The following BAP1 variants were observed in gnomAD, a reference collection of about 807,000 sequenced individuals.
The protein encoded by BAP1 is ubiquitin carboxyl-terminal hydrolase BAP1.
A neutral mutation model predicts 77.2 loss-of-function variants in BAP1; 16 were observed. The observed-to-expected ratio is 0.21, with a 90% CI of 0.14 to 0.31. The LOEUF is 0.31. BAP1 is among the 10% of genes least tolerant of loss of function. The pLI is 1.00. For missense variants in BAP1, 699 were observed against 967.3 expected (o/e 0.72, Z 3.68); for synonymous variants, 362 against 385.2 (o/e 0.94, Z 0.71).
Position 52,406,455 on chromosome 3 carries a change from C to T in BAP1, c.660-79G>A. The T allele has an allele frequency of 6.3e-7, 1 of 1,595,788 alleles. No individual in the cohort carries two copies. Among genetic ancestry groups the T allele is most frequent in the African/African-American group, 1.3e-5 (1 of 74,890 alleles). On this transcript the variant is annotated intron_variant, in intron 8 of 16. Transcript: ENST00000460680. The surrounding 1 kb of genome is among the most constrained non-coding windows in gnomAD (Gnocchi z 4.6). The stretch of plus-strand genomic sequence containing the variant: ...GGTTGAGGCAGATATCCTGGCAGGG[C>T]TCCCTGCAGTCACACCTGCAGCTGT...
At position 52,403,837 on chromosome 3, in the gene BAP1, T is replaced by C. The variant is rs202038162; in HGVS notation, c.1308A>G (p.Gln436=). The part of the protein sequence containing the change: ...PGALSGSADG[Q]LSVLQPNTIN... ...TGGTGTTGGGCTGCAGCACTGACAG[T>C]TGCCCATCAGCAGAACCGCTCAATG... is the stretch of plus-strand genomic sequence containing the variant. Residue 436 remains glutamine, a synonymous_variant, in exon 13 of 17, where the codon CAA becomes CAG. Coordinates refer to ENST00000460680, the MANE Select transcript of BAP1 (RefSeq NM_004656.4). This position sits in a 1 kb window ranked among gnomAD's most constrained non-coding sequence, Gnocchi z 4.0. The C allele has an allele frequency of 4.6e-5, 75 of 1,614,100 alleles. 1 individual carries two copies. The highest frequency in any genetic ancestry group is 4.5e-4 in the East Asian group (20 of 44,886).
chr3:52,402,219 T>C lies in BAP1; in HGVS notation c.*69A>G, dbSNP rs1704976996. On this transcript the variant is annotated 3_prime_UTR_variant, in exon 17 of 17. Transcript: ENST00000460680. The surrounding 1 kb of genome is among the most constrained non-coding windows in gnomAD (Gnocchi z 5.3). Reference sequence around the variant, plus strand: ...TCAGTAATACTGGGAAAAGGGGAAGTGGGGCAGGGAAGGACCCTGGTGAGG... The same window carrying C: ...TCAGTAATACTGGGAAAAGGGGAAGCGGGGCAGGGAAGGACCCTGGTGAGG... 1.3e-5 allele frequency: 20 copies of C among 1,565,126 alleles called. No individual in the cohort carries two copies. Among genetic ancestry groups the C allele is most frequent in the Non-Finnish European group, 1.7e-5 (20 of 1,157,474 alleles).
Position 52,406,689 on chromosome 3 carries a change from T to C in BAP1, c.659+140A>G, listed in dbSNP as rs1489532697. On this transcript the variant is annotated intron_variant, in intron 8 of 16. Coordinates refer to ENST00000460680, the MANE Select transcript of BAP1 (RefSeq NM_004656.4). The surrounding 1 kb of genome is among the most constrained non-coding windows in gnomAD (Gnocchi z 4.6). ...CCCAGGCAGGAAATAAGACAACAAGTTGAGAACCCATGATCTAAGCCTGAT... is the reference window on the plus strand; with the variant it reads ...CCCAGGCAGGAAATAAGACAACAAGCTGAGAACCCATGATCTAAGCCTGAT... 1.8e-6 allele frequency: 2 copies of C among 1,098,120 alleles called. No individual in the cohort carries two copies. Among genetic ancestry groups the C allele is most frequent in the Non-Finnish European group, 2.7e-6 (2 of 749,788 alleles). The allele number at this position is 1,098,120 out of a possible 1,614,324, so 68.0% of individuals were successfully genotyped here.
In BAP1 at chr3:52,404,477, A is replaced by ACGTCATCCTCCT. The variant is rs1553645109; in HGVS notation, c.1214_1225dup (p.Glu405_Asp408dup). The ACGTCATCCTCCT allele has an allele frequency of 1.2e-6, 2 of 1,614,226 alleles. No homozygotes were observed. Among genetic ancestry groups the ACGTCATCCTCCT allele is most frequent in the Admixed American group, 1.7e-5 (1 of 60,028 alleles). On this transcript the variant is annotated inframe_insertion, in exon 12 of 17. Transcript: ENST00000460680. ...CCTAAGGGCAGAGTTGGTGTTCTGC[A>ACGTCATCCTCCT]CGTCATCCTCCTCGTCATCCTCATA...
In BAP1 at chr3:52,403,036, C is replaced by T; in HGVS notation, c.1890+102G>A. ...CTGGCACATGGCTCCAGCCACCAAT[C>T]TTCACACCAAAGTTCCAATCAAGAA... On this transcript the variant is annotated intron_variant, in intron 14 of 16. Transcript: ENST00000460680. This position sits in a 1 kb window ranked among gnomAD's most constrained non-coding sequence, Gnocchi z 4.0. 6.3e-7 allele frequency: 1 copy of T among 1,599,018 alleles called. No homozygotes were observed.
rs1240118550 is a variant in BAP1 at position 52,409,755 on chromosome 3, G to A, written c.38-12C>T. 1.2e-6 allele frequency: 2 copies of A among 1,613,816 alleles called. No homozygotes were observed. Among genetic ancestry groups the A allele is most frequent in the Non-Finnish European group, 8.5e-7 (1 of 1,179,946 alleles). On this transcript the variant is annotated splice_polypyrimidine_tract_variant and intron_variant, in intron 1 of 16. Coordinates refer to ENST00000460680, the MANE Select transcript of BAP1 (RefSeq NM_004656.4). ...CAGGGTGAAGAGGCCTGGGTGGGGCGACAAGAGGAGGGGGTGATGGTCAGG... is the reference window on the plus strand; with the variant it reads ...CAGGGTGAAGAGGCCTGGGTGGGGCAACAAGAGGAGGGGGTGATGGTCAGG...
chr3:52,402,881 C>T lies in BAP1; in HGVS notation c.1891-10G>A, dbSNP rs2153226350. ...GCAGTGCCAGCAGCTCCTGCCAAAA[C>T]CCAGCATTGCACCTCTGATCGGGGC... On this transcript the variant is annotated splice_polypyrimidine_tract_variant and intron_variant, in intron 14 of 16. Transcript: ENST00000460680. This position sits in a 1 kb window ranked among gnomAD's most constrained non-coding sequence, Gnocchi z 5.3. 1 of 1,614,184 alleles carries T rather than the reference C, an allele frequency of 6.2e-7. No individual in the cohort carries two copies. The highest frequency in any genetic ancestry group is 8.5e-7 in the Non-Finnish European group (1 of 1,180,048).
Position 52,409,456 on chromosome 3 carries a change from T to C in BAP1, c.122+98A>G, listed in dbSNP as rs912962299. 15 of 1,485,664 alleles carry C rather than the reference T, an allele frequency of 1.0e-5. No individual in the cohort carries two copies. In the African/African-American group the frequency reaches 1.8e-4, roughly 18 times the overall value. The allele number at this position is 1,485,664 out of a possible 1,614,324, so 92.0% of individuals were successfully genotyped here. ...CTGCTTTCTGTGAGATTTTACAACG[T>C]AGGGTTCCTGGCACTGTCTTCCCTA... On this transcript the variant is annotated intron_variant, in intron 3 of 16. Coordinates refer to ENST00000460680, the MANE Select transcript of BAP1 (RefSeq NM_004656.4).
chr3:52,402,930 G>T lies in BAP1; in HGVS notation c.1891-59C>A, dbSNP rs755020488. The T allele has an allele frequency of 2.8e-5, 45 of 1,612,042 alleles. No homozygotes were observed. Among genetic ancestry groups the T allele is most frequent in the Middle Eastern group, 1.6e-4 (1 of 6,084 alleles). On this transcript the variant is annotated intron_variant, in intron 14 of 16. Coordinates refer to ENST00000460680, the MANE Select transcript of BAP1 (RefSeq NM_004656.4). The surrounding 1 kb of genome is among the most constrained non-coding windows in gnomAD (Gnocchi z 5.3). ...GCGGGCCAGCAACAAAGCCCCACGA[G>T]CAATAGGCAGCTAGAGGCAAGGATG...
In BAP1 at chr3:52,405,093, G is replaced by T. The variant is rs2153226970; in HGVS notation, c.1116+17C>A. The T allele has an allele frequency of 1.2e-6, 2 of 1,613,942 alleles. No homozygotes were observed. Among genetic ancestry groups the T allele is most frequent in the Non-Finnish European group, 8.5e-7 (1 of 1,179,904 alleles). On this transcript the variant is annotated intron_variant, in intron 11 of 16. Coordinates refer to ENST00000460680, the MANE Select transcript of BAP1 (RefSeq NM_004656.4). ...GAGAATCAAGTAGAGAATCCTGCAA[G>T]GGTGCTCCCAGCTTACCTGCATGGG...
chr3:52,404,568 C>T lies in BAP1; in HGVS notation c.1135G>A (p.Ala379Thr). 6.2e-7 allele frequency: 1 copy of T among 1,613,744 alleles called. No individual in the cohort carries two copies. Among genetic ancestry groups the T allele is most frequent in the Non-Finnish European group, 8.5e-7 (1 of 1,179,920 alleles). Reference sequence around the variant, plus strand: ...GGAACTCGGCTGCGGCCCACACCTGCCGCCAGGTCTTCTTCCTCCTGGGAC... The same window carrying T: ...GGAACTCGGCTGCGGCCCACACCTGTCGCCAGGTCTTCTTCCTCCTGGGAC... Reference protein sequence around the residue: ...SPMQEEEDLAAGVGRSRVPVR... With the variant: ...SPMQEEEDLATGVGRSRVPVR... Residue 379 changes from alanine (A) to threonine (T), a missense_variant, in exon 12 of 17, where the codon GCA becomes ACA. Ala to Thr is a moderately conservative substitution (Grantham distance 58, BLOSUM62 0). Around this residue, in one of 3 missense-constraint regions of BAP1, gnomAD observed 475 missense variants for 532.4 expected, o/e 0.89. Transcript: ENST00000460680.
Position 52,406,118 on chromosome 3 carries a change from G to A in BAP1, c.783+135C>T. ...CCACCTTTCCCACAATGGGGGCAAA[G>A]AAAAGATGTGGTTAGCTGAAGCCCA... On this transcript the variant is annotated intron_variant, in intron 9 of 16. Coordinates refer to ENST00000460680, the MANE Select transcript of BAP1 (RefSeq NM_004656.4). The surrounding 1 kb of genome is among the most constrained non-coding windows in gnomAD (Gnocchi z 4.6). The A allele has an allele frequency of 1.3e-6, 2 of 1,542,338 alleles. No individual in the cohort carries two copies. Among genetic ancestry groups the A allele is most frequent in the South Asian group, 2.3e-5 (2 of 88,020 alleles).
At chr3:52,409,634 G>T in intron 2 of BAP1, 26 bp from the exon 3 acceptor site, 1 of 1,614,212 alleles carries the variant, frequency 6.2e-7, no homozygotes. Context: ...GAAAGCAGTA[G>T]GGAAGGACAG....
Position 52,408,063 on chromosome 3 carries a change from A to C in BAP1, c.270T>G (p.Ser90=). The change falls in exon 5 of 17, where the codon TCT becomes TCG. Residue 90 remains serine, a synonymous_variant. Coordinates refer to ENST00000460680, the MANE Select transcript of BAP1 (RefSeq NM_004656.4). ...MFFAHQLIPN[S]CATHALLSVL... ...CGCTCAGCAAGGCATGAGTTGCACA[A>C]GAGTTGGGTATCAGCTGTGAAACCA... 6.2e-7 allele frequency: 1 copy of C among 1,609,380 alleles called. No homozygotes were observed. The highest frequency in any genetic ancestry group is 8.5e-7 in the Non-Finnish European group (1 of 1,177,590).
Position 52,409,832 on chromosome 3 carries a change from C to T in BAP1, c.37+10G>A. 6.2e-7 allele frequency: 1 copy of T among 1,612,520 alleles called. No homozygotes were observed. Among genetic ancestry groups the T allele is most frequent in the South Asian group, 1.1e-5 (1 of 91,074 alleles). Reference sequence around the variant, plus strand: ...TCCCCAGCCCCTGGCCCTCCCGGTCCCCTCCTCACCTGGGTCGCTCTCCAG... The same window carrying T: ...TCCCCAGCCCCTGGCCCTCCCGGTCTCCTCCTCACCTGGGTCGCTCTCCAG... On this transcript the variant is annotated intron_variant, in intron 1 of 16. Coordinates refer to ENST00000460680, the MANE Select transcript of BAP1 (RefSeq NM_004656.4).
intron 11 of BAP1, among the ~76,000 whole-genome samples, 193 bp downstream of exon 11, chr3:52,404,917 C>T (rs1184323499): frequency 6.6e-6 from 1 of 152,238 alleles, no homozygotes; most frequent in Non-Finnish European, 1.5e-5. Flanking sequence ...CAAAGGAGCT[C>T]TCCCTGCCTC....
In BAP1 at chr3:52,407,977, G is replaced by A. The variant is rs762084469; in HGVS notation, c.356C>T (p.Thr119Ile). ...GPTLSRMKDFTKGFSPESKGY... is the reference protein window; with the variant it reads ...GPTLSRMKDFIKGFSPESKGY... ...GCCTACCTCAGGGCTGAAACCCTTG[G>A]TGAAGTCCTTCATGCGACTCAGGGT... Residue 119 changes from threonine to isoleucine, a missense_variant, in exon 5 of 17, where the codon ACC (threonine) becomes ATC (isoleucine). Physicochemically the swap from Thr to Ile is moderately conservative, Grantham distance 89. Coordinates refer to ENST00000460680, the MANE Select transcript of BAP1 (RefSeq NM_004656.4). 6.2e-7 allele frequency: 1 copy of A among 1,613,980 alleles called. No individual in the cohort carries two copies. Among genetic ancestry groups the A allele is most frequent in the Non-Finnish European group, 8.5e-7 (1 of 1,180,000 alleles).
rs772201796 is a variant in BAP1 at position 52,408,124 on chromosome 3, A to G, written c.256-47T>C. The G allele has an allele frequency of 8.9e-6, 14 of 1,567,896 alleles. No individual in the cohort carries two copies. In the Admixed American group the frequency reaches 2.6e-4, roughly 29 times the overall value. ...CCCATACACAGCACCCCTCACTGCAAGCCCCAAGCCCATATACATCAAGAA... is the reference window on the plus strand; with the variant it reads ...CCCATACACAGCACCCCTCACTGCAGGCCCCAAGCCCATATACATCAAGAA... On this transcript the variant is annotated intron_variant, in intron 4 of 16. Coordinates refer to ENST00000460680, the MANE Select transcript of BAP1 (RefSeq NM_004656.4).
chr3:52,405,494 A>G (rs959768179), intron 10 of BAP1, 200 bp from the exon 11 acceptor site: 31 of 234,892 alleles, frequency 1.3e-4, no homozygotes, highest in African/African-American at 7.6e-5. Flanking sequence ...AGCAGGAAGA[A>G]AAAAAAAAAA....
Sources: allele counts gnomAD v4.1 joint callset (sites outside exome capture counted in the v4.1 genomes callset), GRCh38; gene constraint gnomAD v4.1.1; regional missense constraint gnomAD v4.1.1; non-coding constraint Gnocchi (gnomAD v3.1); transcripts MANE v1.5; gene names NCBI Gene and HGNC (gene_info 2026-07-23, HGNC 2026-07-21).